RAB5A: variants seen among roughly 807,000 people sequenced by gnomAD.
RAB5A encodes RAB5A, member RAS oncogene family.
RAB5A carries 8 observed loss-of-function variants against 25.7 expected under a neutral mutation model. That is an observed-to-expected ratio of 0.31 (90% CI 0.18 to 0.56). The LOEUF (loss-of-function observed/expected upper bound fraction) is 0.56. RAB5A is among the 20% of genes least tolerant of loss of function. The pLI is 0.91. For missense variants in RAB5A, 192 were observed against 259.7 expected (o/e 0.74, Z 1.79); for synonymous variants, 98 against 89.8 (o/e 1.09, Z -0.52).
Position 19,979,134 on chromosome 3 carries a change from G to A in RAB5A, c.532+731G>A, listed in dbSNP as rs184080235. ...TGGGATTACAGGTGCACACCACCACGCCCAGCTAATTTTTGTATTTATAGT... is the reference window on the plus strand; with the variant it reads ...TGGGATTACAGGTGCACACCACCACACCCAGCTAATTTTTGTATTTATAGT... On this transcript the variant is annotated intron_variant, in intron 5 of 5. Transcript: ENST00000273047. Among the ~76,000 whole-genome samples the A allele has an allele frequency of 5.0e-3, 753 of 151,950 alleles. 3 individuals carry two copies. Among genetic ancestry groups the A allele is most frequent in the Non-Finnish European group, 8.0e-3 (543 of 67,962 alleles).
rs1553640308 is a variant in RAB5A, at chr3:19,984,172, T to TGG, written c.*350_*351insGG. 3 of 343,008 alleles carry TGG rather than the reference T, an allele frequency of 8.7e-6. No individual in the cohort carries two copies. Among genetic ancestry groups the TGG allele is most frequent in the African/African-American group, 3.3e-5 (1 of 30,766 alleles). 21.2% of individuals were successfully genotyped at this position (343,008 alleles called of 1,614,324 possible). On this transcript the variant is annotated 3_prime_UTR_variant, in exon 6 of 6. Transcript: ENST00000273047. ...TCCACACTGGTACAGTAGTCACCTG[T>TGG]GAAAAAAAAATTGGAACTTACTAAT...
chr3:19,950,932 C>T lies in RAB5A; in HGVS notation c.34C>T (p.Pro12Ser). The change falls in exon 2 of 6, where the codon CCA becomes TCA. Residue 12 changes from proline to serine, a missense_variant. Pro to Ser is a moderately conservative substitution (Grantham distance 74). This residue lies in a region of RAB5A where 32 missense variants were observed against 32.4 expected (regional missense o/e 0.99). Coordinates refer to ENST00000273047, the MANE Select transcript of RAB5A (RefSeq NM_004162.5). ...TCGAGGCGCAACAAGACCCAACGGG[C>T]CAAATACGGGAAATAAAATATGCCA... is the stretch of plus-strand genomic sequence containing the variant. ...ASRGATRPNG[P>S]NTGNKICQFK... The T allele has an allele frequency of 6.2e-7, 1 of 1,613,444 alleles. No homozygotes were observed. The highest frequency in any genetic ancestry group is 2.2e-5 in the East Asian group (1 of 44,860).
chr3:19,967,553 G>C (rs1418147112), intron 2 of RAB5A, among the ~76,000 whole-genome samples: 1 of 152,178 alleles, frequency 6.6e-6, no homozygotes, highest in Non-Finnish European at 1.5e-5. Flanking sequence ...TGATTTTTAA[G>C]AGTGAATTGT....
At chr3:19,977,326 C>T (rs910892293) in intron 4 of RAB5A, among the ~76,000 whole-genome samples, 10 of 152,048 alleles carry the variant, frequency 6.6e-5, no homozygotes, top group East Asian at 1.9e-4. Context: ...CACCCGCCTC[C>T]GCCTCCAAAA....
At chr3:19,949,516 C>G (rs1696391980) in intron 1 of RAB5A, among the ~76,000 whole-genome samples, 1 of 151,990 alleles carries the variant, frequency 6.6e-6, no homozygotes, top group Non-Finnish European at 1.5e-5. Flanking sequence ...AGACGTATTT[C>G]TTATATGAGG....
intron 4 of RAB5A, among the ~76,000 whole-genome samples, chr3:19,977,502 A>G (rs994380374): frequency 2.0e-5 from 3 of 152,242 alleles, no homozygotes; most frequent in African/African-American, 7.2e-5. Context: ...GATGGAATCC[A>G]TGTATTCTTG....
rs1390113660 is a variant in RAB5A, at chr3:19,951,030, A to G, written c.132A>G (p.Gln44=). 6 of 1,613,876 alleles carry G rather than the reference A, an allele frequency of 3.7e-6. No individual in the cohort carries two copies. Among genetic ancestry groups the G allele is most frequent in the East Asian group, 2.2e-5 (1 of 44,892 alleles). ...TAGTGCTTCGTTTTGTGAAAGGCCA[A>G]TTTCATGAATTTCAAGAGAGTACCA... ...SSLVLRFVKG[Q]FHEFQESTIG... is the part of the protein sequence containing the mutation. Residue 44 remains glutamine (Q), a synonymous_variant, in exon 2 of 6, where the codon CAA becomes CAG. Transcript: ENST00000273047.
In RAB5A at chr3:19,947,098, G is replaced by C. The variant is rs1386064604; in HGVS notation, c.-517G>C. 1.3e-5 allele frequency: 2 copies of C among 156,526 alleles called. No homozygotes were observed. Among genetic ancestry groups the C allele is most frequent in the African/African-American group, 4.8e-5 (2 of 41,476 alleles). The allele number at this position is 156,526 out of a possible 1,614,324, so 9.7% of individuals were successfully genotyped here. A position where few individuals can be genotyped will look rare whatever the true frequency, so the allele number is the denominator to read the frequency against. On this transcript the variant is annotated 5_prime_UTR_variant, in exon 1 of 6. Coordinates refer to ENST00000273047, the MANE Select transcript of RAB5A (RefSeq NM_004162.5). ...TGATGGGAAGTGACGAAGTGGCGCA[G>C]TTCGCTGCGTGCAGCGACGTGGCGG...
rs77566337 is a variant in RAB5A, at chr3:19,966,616, A to G, written c.164-8985A>G. ...TAATATATTTGAGAAATCTCTATAC[A>G]GTTTTCCATACCAGCTGCAAAGCAG... On this transcript the variant is annotated intron_variant, in intron 2 of 5. Coordinates refer to ENST00000273047, the MANE Select transcript of RAB5A (RefSeq NM_004162.5). Among the ~76,000 whole-genome samples the G allele has an allele frequency of 4.3e-3, 658 of 152,294 alleles. 7 individuals carry two copies. Among genetic ancestry groups the G allele is most frequent in the African/African-American group, 0.013 (561 of 41,570 alleles).
At chr3:19,976,202 CT>C in intron 4 of RAB5A, 33 bp downstream of exon 4, 1 of 1,584,740 alleles carries the variant, frequency 6.3e-7, no homozygotes, top group Non-Finnish European at 8.6e-7. Context: ...TTGAAAGGCA[CT>C]TTTTTCCTGT....
intron 1 of RAB5A, among the ~76,000 whole-genome samples, chr3:19,948,466 G>C (rs1047260340): frequency 1.3e-5 from 2 of 152,164 alleles, no homozygotes; most frequent in Non-Finnish European, 2.9e-5. Context: ...TCAATTTTTT[G>C]ATCAAAGAAC....
chr3:19,948,532 ATGTATATTATGCAAAATTCT>A (rs1696368486), intron 1 of RAB5A, among the ~76,000 whole-genome samples: 1 of 152,272 alleles, frequency 6.6e-6, no homozygotes, highest in Admixed American at 6.5e-5. Flanking sequence ...AAGATTACAA[ATGTATATTATGCAAAATTCT>A]TGTTTTGCAA....
intron 2 of RAB5A, 41 bp from the exon 3 acceptor site, chr3:19,975,560 T>G: frequency 6.3e-7 from 1 of 1,591,984 alleles, no homozygotes; most frequent in East Asian, 2.2e-5. Context: ...TGAAAACATT[T>G]GGAGAAAAAT....
At chr3:19,957,532 G>A (rs62241285) in intron 2 of RAB5A, among the ~76,000 whole-genome samples, 24,713 of 150,594 alleles carry the variant, frequency 0.16, 2,676 homozygotes, top group Non-Finnish European at 0.24. Flanking sequence ...GCGTGGTCGC[G>A]CATGCCTGTA....
At chr3:19,981,905 G>A (rs1696935917) in intron 5 of RAB5A, among the ~76,000 whole-genome samples, 3 of 152,084 alleles carry the variant, frequency 2.0e-5, no homozygotes, top group Admixed American at 2.0e-4. Context: ...TCTGGATTAG[G>A]TACAGCTACT....
intron 2 of RAB5A, among the ~76,000 whole-genome samples, chr3:19,967,497 C>T (rs1277792830): frequency 6.6e-6 from 1 of 152,082 alleles, no homozygotes. Flanking sequence ...GTAGGAGTTC[C>T]TTACATTAAT....
Position 19,984,366 on chromosome 3 carries a change from T to C in RAB5A, c.*543T>C, listed in dbSNP as rs573813685. On this transcript the variant is annotated 3_prime_UTR_variant, in exon 6 of 6. Transcript: ENST00000273047. ...AGAAAATAATCCCACATATACAAGG[T>C]CAGGGGTGGGGAAGAGTATTAATGG... is the stretch of plus-strand genomic sequence containing the variant. The C allele has an allele frequency of 7.7e-5, 28 of 364,596 alleles. No individual in the cohort carries two copies. The highest frequency in any genetic ancestry group is 1.4e-4 in the Non-Finnish European group (26 of 187,266). The allele number at this position is 364,596 out of a possible 1,614,324, so 22.6% of individuals were successfully genotyped here.
In RAB5A at chr3:19,947,355, C is replaced by G. The variant is rs776003686; in HGVS notation, c.-260C>G. ...AGACGGAGCCCGACAGGGGCGGCAC[C>G]ACGGCACGAGCCCCGCACAGTCCAG... On this transcript the variant is annotated 5_prime_UTR_variant, in exon 1 of 6. Transcript: ENST00000273047. 2 of 183,496 alleles carry G rather than the reference C, an allele frequency of 1.1e-5. No homozygotes were observed. The highest frequency in any genetic ancestry group is 2.2e-5 in the Non-Finnish European group (2 of 90,562). The allele number at this position is 183,496 out of a possible 1,614,324, so 11.4% of individuals were successfully genotyped here.
At chr3:19,966,504 A>G (rs574082772) in intron 2 of RAB5A, among the ~76,000 whole-genome samples, 1 of 152,202 alleles carries the variant, frequency 6.6e-6, no homozygotes, top group African/African-American at 2.4e-5. Flanking sequence ...ACATTGGTGT[A>G]CAAAGAGTGT....
Sources: allele counts gnomAD v4.1 joint callset (sites outside exome capture counted in the v4.1 genomes callset), GRCh38; gene constraint gnomAD v4.1.1; regional missense constraint gnomAD v4.1.1; transcripts MANE v1.5; gene names NCBI Gene and HGNC (gene_info 2026-07-23, HGNC 2026-07-21).